Variants in NMNAT3 observed in about 807,000 individuals in gnomAD.
NMNAT3 encodes nicotinamide/nicotinic acid mononucleotide adenylyltransferase 3.
NMNAT3 carries 21 observed loss-of-function variants against 24.8 expected under a neutral mutation model. The ratio of observed to expected loss-of-function variants is 0.85; its 90% CI spans 0.60 to 1.22. The LOEUF (loss-of-function observed/expected upper bound fraction) is 1.22, where lower values mean the gene tolerates loss of function less well. NMNAT3 is among the 50% of genes most tolerant of loss of function. The pLI is 0.00. For synonymous variants in NMNAT3, 136 were observed against 155.2 expected (o/e 0.88, Z 0.92); for missense variants, 387 against 436.6 (o/e 0.89, Z 1.01).
intron 6 of NMNAT3, chr3:139,568,519 C>T (rs1038814637): frequency 6.6e-6 from 1 of 152,170 alleles, no homozygotes. Context: ...TTGAATGTGT[C>T]CCAGAGATTC....
Position 139,579,125 on chromosome 3 carries a change from C to G in NMNAT3, c.392-70G>C. The G allele has an allele frequency of 5.9e-6, 8 of 1,351,184 alleles. 1 individual carries two copies. In the South Asian group the frequency reaches 1.1e-4, roughly 18 times the overall value. The allele number at this position is 1,351,184 out of a possible 1,614,324, so 83.7% of individuals were successfully genotyped here. A position where few individuals can be genotyped will look rare whatever the true frequency, so the allele number is the denominator to read the frequency against. On this transcript the variant is annotated intron_variant, in intron 4 of 6. Transcript: ENST00000643695. ...CACCACCTGGCAGCCTGAATTCAGG[C>G]AGGTGCTAAATGTCTCCAGTGCCTC...
intron 1 of NMNAT3, among the ~76,000 whole-genome samples, chr3:139,640,582 A>C (rs1459837114): frequency 6.6e-6 from 1 of 152,184 alleles, no homozygotes; most frequent in Non-Finnish European, 1.5e-5. Flanking sequence ...ATCCTGAAAT[A>C]TCTGGGAAGG....
chr3:139,619,573 G>A (rs1017077645), intron 3 of NMNAT3, among the ~76,000 whole-genome samples: 5 of 152,154 alleles, frequency 3.3e-5, no homozygotes, highest in Non-Finnish European at 7.3e-5. Flanking sequence ...AGTCCATCAA[G>A]TGTCTTAATA....
At chr3:139,656,409 A>G (rs559379259) in intron 1 of NMNAT3, among the ~76,000 whole-genome samples, 1 of 152,352 alleles carries the variant, frequency 6.6e-6, no homozygotes, top group African/African-American at 2.4e-5. Flanking sequence ...AATTCTTAAC[A>G]TCTTCCATGT....
At chr3:139,606,394 T>C (rs1163663746) in intron 3 of NMNAT3, among the ~76,000 whole-genome samples, 1 of 152,238 alleles carries the variant, frequency 6.6e-6, no homozygotes, top group Non-Finnish European at 1.5e-5. Flanking sequence ...GAACTGATGC[T>C]GTGCTCTTCT....
In NMNAT3 at chr3:139,560,744, G is replaced by A; in HGVS notation, c.*266C>T. On this transcript the variant is annotated 3_prime_UTR_variant, in exon 7 of 7. Transcript: ENST00000643695. ...AATAAGTAGACCTCCTTGTCCAGCAGCTCTGAGAGATTCTGCCTAATCCTA... is the reference window on the plus strand; with the variant it reads ...AATAAGTAGACCTCCTTGTCCAGCAACTCTGAGAGATTCTGCCTAATCCTA... The A allele has an allele frequency of 6.9e-6, 3 of 437,294 alleles. No homozygotes were observed. Among genetic ancestry groups the A allele is most frequent in the Non-Finnish European group, 8.2e-6 (2 of 244,486 alleles). 27.1% of individuals were successfully genotyped at this position (437,294 alleles called of 1,614,324 possible).
intron 1 of NMNAT3, among the ~76,000 whole-genome samples, chr3:139,664,146 T>G (rs933175812): frequency 3.9e-5 from 6 of 152,208 alleles, no homozygotes; most frequent in Admixed American, 3.9e-4. Context: ...TTTAAAGCAC[T>G]TTATATTACA....
intron 3 of NMNAT3, among the ~76,000 whole-genome samples, chr3:139,618,785 T>C (rs2108282232): frequency 6.6e-6 from 1 of 152,330 alleles, no homozygotes; most frequent in East Asian, 1.9e-4. Flanking sequence ...GTTCGGGTTA[T>C]GGCTCGGTGC....
chr3:139,673,916 A>G (rs2057841250), intron 1 of NMNAT3, among the ~76,000 whole-genome samples: 1 of 152,096 alleles, frequency 6.6e-6, no homozygotes, highest in Non-Finnish European at 1.5e-5. Flanking sequence ...AGAGAAGGGC[A>G]TGCCGACAGG....
At chr3:139,661,409 C>T (rs1448850568) in intron 1 of NMNAT3, among the ~76,000 whole-genome samples, 3 of 152,186 alleles carry the variant, frequency 2.0e-5, no homozygotes, top group Non-Finnish European at 4.4e-5. Flanking sequence ...TGGCTCATAC[C>T]TGTAATCCCA....
At chr3:139,585,738 C>T (rs2053910835) in intron 3 of NMNAT3, among the ~76,000 whole-genome samples, 1 of 152,172 alleles carries the variant, frequency 6.6e-6, no homozygotes, top group South Asian at 2.1e-4. Context: ...GCTGCTTCTT[C>T]CTAGGGATAT....
intron 3 of NMNAT3, among the ~76,000 whole-genome samples, chr3:139,617,471 T>C (rs1383161156): frequency 6.6e-6 from 1 of 152,206 alleles, no homozygotes; most frequent in Non-Finnish European, 1.5e-5. Context: ...CTTCCTCATC[T>C]GTAAAATAGG....
intron 1 of NMNAT3, among the ~76,000 whole-genome samples, chr3:139,651,780 C>T (rs60664862): frequency 3.9e-4 from 60 of 152,280 alleles, no homozygotes; most frequent in African/African-American, 1.3e-3. Flanking sequence ...ACTTCCCCTA[C>T]CCTATCCCAC....
rs530791008 is a variant in NMNAT3 at position 139,673,816 on chromosome 3, G to A, written c.-141+3889C>T. Among the ~76,000 whole-genome samples the A allele has an allele frequency of 4.6e-5, 7 of 152,094 alleles. No individual in the cohort carries two copies. In the South Asian group the frequency reaches 1.5e-3, roughly 32 times the overall value. On this transcript the variant is annotated intron_variant, in intron 1 of 6. Coordinates refer to ENST00000643695, the MANE Select transcript of NMNAT3 (RefSeq NM_001320510.2). The stretch of plus-strand genomic sequence containing the variant: ...ATAGAGAGAGAGAGAGAGAAACAAC[G>A]TGCCAGGCATGGTGCTAAGTACAGG...
chr3:139,669,287 A>G (rs926465648), intron 1 of NMNAT3, among the ~76,000 whole-genome samples: 1 of 151,842 alleles, frequency 6.6e-6, no homozygotes, highest in African/African-American at 2.4e-5. Context: ...AGCCTGAACA[A>G]TATGGTGAAA....
At chr3:139,674,141 TG>T (rs1451407175) in intron 1 of NMNAT3, among the ~76,000 whole-genome samples, 5 of 152,240 alleles carry the variant, frequency 3.3e-5, no homozygotes, top group Non-Finnish European at 7.3e-5. Flanking sequence ...CAGACAGTGC[TG>T]ACTTCCAGAT....
intron 3 of NMNAT3, among the ~76,000 whole-genome samples, chr3:139,622,771 CATATATATGAT>C (rs1252552861): frequency 1.7e-4 from 22 of 132,484 alleles, no homozygotes; most frequent in Admixed American, 1.1e-3. Flanking sequence ...TCATATATAT[CATATATATGAT>C]ATATATATGA....
rs372596442 is a variant in NMNAT3 at position 139,600,238 on chromosome 3, G to C, written c.110-17030C>G. Among the ~76,000 whole-genome samples the C allele has an allele frequency of 2.6e-5, 4 of 151,914 alleles. No individual in the cohort carries two copies. The South Asian group carries it at 8.3e-4, about 32-fold the overall frequency. On this transcript the variant is annotated intron_variant, in intron 3 of 6. Coordinates refer to ENST00000643695, the MANE Select transcript of NMNAT3 (RefSeq NM_001320510.2). ...TTGTGTGCAACTTCTTAAGAATTTG[G>C]CAAAGTAAACAACAAAGCAGCAATA...
chr3:139,599,210 A>C (rs2054603478), intron 3 of NMNAT3: 1 of 605,288 alleles, frequency 1.7e-6, no homozygotes, highest in African/African-American at 1.8e-5. Context: ...ACAAAACTAC[A>C]TGTGTCAAAA....
Sources: gnomAD v4.1 joint callset for allele counts (sites outside exome capture counted in the v4.1 genomes callset) on GRCh38, gnomAD v4.1.1 for gene constraint, MANE v1.5 for transcripts, NCBI Gene and HGNC (gene_info 2026-07-23, HGNC 2026-07-21) for gene names.